Variants in AFAP1L2 observed in about 807,000 individuals in gnomAD.
AFAP1L2 encodes the protein actin filament-associated protein 1-like 2.
Under a neutral mutation model 99.3 loss-of-function variants are expected in AFAP1L2, and 46 were observed. That is an observed-to-expected ratio of 0.46 (90% CI 0.37 to 0.59). The LOEUF (loss-of-function observed/expected upper bound fraction) is 0.59, where lower values mean the gene tolerates loss of function less well. AFAP1L2 is among the 20% of genes least tolerant of loss of function. The pLI, the probability that AFAP1L2 is intolerant of heterozygous loss-of-function variation, is 0.00. For missense variants in AFAP1L2, 959 were observed against 1,034.9 expected (o/e 0.93, Z 1.01); for synonymous variants, 397 against 419.1 (o/e 0.95, Z 0.64).
chr10:114,343,753 C>G (rs2049121733), intron 1 of AFAP1L2, among the ~76,000 whole-genome samples: 1 of 152,204 alleles, frequency 6.6e-6, no homozygotes. Flanking sequence ...TGACCTTAAC[C>G]AGTAGGGCCT....
chr10:114,341,739 G>A (rs768329636), intron 1 of AFAP1L2, among the ~76,000 whole-genome samples: 18 of 152,040 alleles, frequency 1.2e-4, no homozygotes, highest in Non-Finnish European at 1.8e-4. Context: ...TCCACAGCCC[G>A]GACACAGCAC....
At chr10:114,328,596 C>T (rs1305616602) in intron 4 of AFAP1L2, among the ~76,000 whole-genome samples, 3 of 152,148 alleles carry the variant, frequency 2.0e-5, no homozygotes, top group East Asian at 1.9e-4. Context: ...GTGGTCCTTG[C>T]GAGAGAAACA....
In AFAP1L2 at chr10:114,336,150, G is replaced by A. The variant is rs561648392; in HGVS notation, c.146-2855C>T. 8.5e-5 allele frequency among the ~76,000 whole-genome samples: 13 copies of A among 152,336 alleles called. 1 individual carries two copies. The East Asian group carries it at 2.5e-3, about 29-fold the overall frequency. On this transcript the variant is annotated intron_variant, in intron 2 of 18. Coordinates refer to ENST00000304129, the MANE Select transcript of AFAP1L2 (RefSeq NM_001001936.3). ...CCACCTCGGGTGGGCTGCAGGCTGA[G>A]GCTGACTTGGTTTTGATTCTCAGAG...
At chr10:114,318,922 G>A (rs1037609093) in intron 5 of AFAP1L2, among the ~76,000 whole-genome samples, 5 of 152,064 alleles carry the variant, frequency 3.3e-5, no homozygotes, top group African/African-American at 1.2e-4. Flanking sequence ...GGAAGGCTGA[G>A]GAGGGCAGAT....
chr10:114,307,075 C>G (rs1340897313), intron 10 of AFAP1L2, among the ~76,000 whole-genome samples: 1 of 152,194 alleles, frequency 6.6e-6, no homozygotes, highest in African/African-American at 2.4e-5. Context: ...ATCAAGATAC[C>G]AGGCCCACCC....
rs74810128 is a variant in AFAP1L2, at chr10:114,335,309, T to TA, written c.146-2015_146-2014insT. ...CTACAATACTGCATGATTTTTTTTT[T>TA]TAAAAAAAGAATACAACATATGGCC... is the stretch of plus-strand genomic sequence containing the variant. On this transcript the variant is annotated intron_variant, in intron 2 of 18. Transcript: ENST00000304129. Among the ~76,000 whole-genome samples, 1,385 of 151,854 alleles carry TA rather than the reference T, an allele frequency of 9.1e-3. 10 individuals carry two copies. The highest frequency in any genetic ancestry group is 0.013 in the African/African-American group (525 of 41,354).
intron 11 of AFAP1L2, among the ~76,000 whole-genome samples, chr10:114,304,338 A>T (rs990578900): frequency 1.5e-4 from 23 of 152,038 alleles, no homozygotes; most frequent in African/African-American, 4.8e-4. Flanking sequence ...CACAAAGCGA[A>T]TTTTTTCCCC....
intron 2 of AFAP1L2, among the ~76,000 whole-genome samples, chr10:114,337,240 C>G (rs2048117789): frequency 6.6e-6 from 1 of 152,092 alleles, no homozygotes; most frequent in Non-Finnish European, 1.5e-5. Flanking sequence ...GCCGTGTGCC[C>G]TCAGGCAAGT....
chr10:114,326,028 A>G (rs374235095), intron 4 of AFAP1L2: 25 of 819,806 alleles, frequency 3.0e-5, no homozygotes, highest in Non-Finnish European at 4.2e-5. Context: ...ATCTGGCCCA[A>G]GGTCAGGATT....
chr10:114,404,484 T>G lies in AFAP1L2; in HGVS notation c.-29A>C. ...GGCCACGGAGTGCGCTCCTCGCGGC[T>G]CGGCTTCTGCGCTGCTCTCCCGGCG... is the stretch of plus-strand genomic sequence containing the variant. On this transcript the variant is annotated 5_prime_UTR_variant, in exon 1 of 19. Coordinates refer to ENST00000304129, the MANE Select transcript of AFAP1L2 (RefSeq NM_001001936.3). 1 of 1,534,464 alleles carries G rather than the reference T, an allele frequency of 6.5e-7. No individual in the cohort carries two copies. Among genetic ancestry groups the G allele is most frequent in the Non-Finnish European group, 8.7e-7 (1 of 1,144,084 alleles).
chr10:114,357,113 A>C (rs947814355), intron 1 of AFAP1L2, among the ~76,000 whole-genome samples: 2 of 152,222 alleles, frequency 1.3e-5, no homozygotes, highest in Non-Finnish European at 2.9e-5. Flanking sequence ...AAAATTTGTC[A>C]AAAGAAACTG....
intron 1 of AFAP1L2, among the ~76,000 whole-genome samples, chr10:114,386,000 C>T (rs1046665020): frequency 2.0e-5 from 3 of 151,732 alleles, no homozygotes; most frequent in East Asian, 1.9e-4. Flanking sequence ...AAGGAAGGAA[C>T]GAGAAGCCAG....
At chr10:114,376,254 T>C (rs1238633211) in intron 1 of AFAP1L2, among the ~76,000 whole-genome samples, 2 of 152,196 alleles carry the variant, frequency 1.3e-5, no homozygotes, top group African/African-American at 4.8e-5. Context: ...TAAATCAATA[T>C]ATATGGAGCA....
intron 1 of AFAP1L2, among the ~76,000 whole-genome samples, chr10:114,357,235 C>G (rs904576158): frequency 6.6e-6 from 1 of 152,294 alleles, no homozygotes; most frequent in East Asian, 1.9e-4. Flanking sequence ...AAGGACGCCT[C>G]GGATCCTCAC....
intron 7 of AFAP1L2, among the ~76,000 whole-genome samples, chr10:114,311,922 C>T (rs1299179528): frequency 6.6e-6 from 1 of 152,168 alleles, no homozygotes; most frequent in East Asian, 1.9e-4. Context: ...GGTGGAGAGC[C>T]CATCAGACAG....
chr10:114,353,623 C>T (rs2050874368), intron 1 of AFAP1L2, among the ~76,000 whole-genome samples: 1 of 152,180 alleles, frequency 6.6e-6, no homozygotes, highest in South Asian at 2.1e-4. Flanking sequence ...AGAGTTTATT[C>T]CATTGCTCTG....
Position 114,302,329 on chromosome 10 carries a change from A to C in AFAP1L2, c.1430+10T>G, listed in dbSNP as rs1396997126. The C allele has an allele frequency of 6.2e-7, 1 of 1,614,078 alleles. No individual in the cohort carries two copies. The highest frequency in any genetic ancestry group is 2.2e-5 in the East Asian group (1 of 44,880). ...AGAGAGTGTACGGAGGAAGGGTCCAAATTACTCACAAGAGAGAGTTTTTGG... is the reference window on the plus strand; with the variant it reads ...AGAGAGTGTACGGAGGAAGGGTCCACATTACTCACAAGAGAGAGTTTTTGG... On this transcript the variant is annotated intron_variant, in intron 12 of 18. Coordinates refer to ENST00000304129, the MANE Select transcript of AFAP1L2 (RefSeq NM_001001936.3).
At chr10:114,372,158 G>A (rs546596401) in intron 1 of AFAP1L2, among the ~76,000 whole-genome samples, 19 of 152,290 alleles carry the variant, frequency 1.2e-4, no homozygotes, top group South Asian at 8.3e-4. Flanking sequence ...GCTCTAAATC[G>A]TTTTGTGGAG....
At chr10:114,288,994 G>A in the AFAP1L2 span, 1 of 1,614,126 alleles carries the variant, frequency 6.2e-7, no homozygotes, top group Middle Eastern at 1.6e-4. Flanking sequence ...TGCCTCAGTA[G>A]GGCCCGAGAA....
Sources: gnomAD v4.1 joint callset for allele counts (sites outside exome capture counted in the v4.1 genomes callset) on GRCh38, gnomAD v4.1.1 for gene constraint, MANE v1.5 for transcripts, NCBI Gene and HGNC (gene_info 2026-07-23, HGNC 2026-07-21) for gene names.